The following RORB variants were observed in gnomAD, a reference collection of about 807,000 sequenced individuals.
The protein encoded by RORB is RAR related orphan receptor B, also known as nuclear receptor ROR-beta.
A neutral mutation model predicts 59.1 loss-of-function variants in RORB; 6 were observed. The ratio of observed to expected loss-of-function variants is 0.10; its 90% CI spans 0.06 to 0.20. The LOEUF is 0.20. RORB is among the 10% of genes least tolerant of loss of function. RORB has a pLI of 1.00. For synonymous variants in RORB, 215 were observed against 204.5 expected, an observed-to-expected ratio of 1.05 and a Z score of -0.44; for missense variants, 320 against 560.5, an observed-to-expected ratio of 0.57 and a Z score of 4.33.
At chr9:74,666,329 C>T (rs961169537) in intron 7 of RORB, among the ~76,000 whole-genome samples, 3 of 151,902 alleles carry the variant, frequency 2.0e-5, no homozygotes, top group African/African-American at 7.3e-5. Flanking sequence ...GGCATGGTGA[C>T]ACACACCTGT....
chr9:74,530,546 C>G (rs1270426899), intron 1 of RORB, among the ~76,000 whole-genome samples: 1 of 151,970 alleles, frequency 6.6e-6, no homozygotes, highest in Non-Finnish European at 1.5e-5. Flanking sequence ...CCAAAAGGAA[C>G]TGATCTGCAA....
chr9:74,538,164 A>G (rs552988533), intron 1 of RORB, among the ~76,000 whole-genome samples: 11 of 152,104 alleles, frequency 7.2e-5, no homozygotes, highest in Non-Finnish European at 1.6e-4. Flanking sequence ...CCTAGGAGCA[A>G]TAGTTAAACC....
In RORB at chr9:74,669,187, G is replaced by A. The variant is rs962616444; in HGVS notation, c.1111+1286G>A. On this transcript the variant is annotated intron_variant, in intron 8 of 9. Transcript: ENST00000376896. Reference sequence around the variant, plus strand: ...GTAGTGAGTAAAATATTTTTTTAAAGTATATACTAGGCCTGGCATGGTGGC... The same window carrying A: ...GTAGTGAGTAAAATATTTTTTTAAAATATATACTAGGCCTGGCATGGTGGC... Among the ~76,000 whole-genome samples, 4 of 152,270 alleles carry A rather than the reference G, an allele frequency of 2.6e-5. No homozygotes were observed. The East Asian group carries it at 7.7e-4, about 29-fold the overall frequency.
At chr9:74,500,365 A>G (rs558894977) in intron 1 of RORB, among the ~76,000 whole-genome samples, 1 of 152,280 alleles carries the variant, frequency 6.6e-6, no homozygotes, top group East Asian at 1.9e-4. Context: ...GGATTGAGAA[A>G]AGATCCAGGC....
chr9:74,580,236 T>C (rs555972524), intron 1 of RORB, among the ~76,000 whole-genome samples: 1 of 151,836 alleles, frequency 6.6e-6, no homozygotes, highest in South Asian at 2.1e-4. Context: ...TCAACAAGAG[T>C]GTAAGTGGAG....
chr9:74,571,306 G>C (rs769070040), intron 1 of RORB, among the ~76,000 whole-genome samples: 11 of 151,358 alleles, frequency 7.3e-5, no homozygotes, highest in Non-Finnish European at 1.5e-4. Context: ...GAATATTGTG[G>C]TATGCAGACA....
chr9:74,679,883 A>G (rs1400145689), intron 9 of RORB, among the ~76,000 whole-genome samples: 2 of 152,120 alleles, frequency 1.3e-5, no homozygotes, highest in Non-Finnish European at 2.9e-5. Flanking sequence ...GGATCAGATC[A>G]TGAGGTCAAG....
At chr9:74,636,740 T>A (rs1365199756) in intron 3 of RORB, among the ~76,000 whole-genome samples, 6 of 151,536 alleles carry the variant, frequency 4.0e-5, no homozygotes. Flanking sequence ...GTGAAATTTA[T>A]CATGAGGAGA....
chr9:74,632,071 T>A (rs751211241), intron 2 of RORB, among the ~76,000 whole-genome samples: 3 of 152,170 alleles, frequency 2.0e-5, no homozygotes, highest in Non-Finnish European at 2.9e-5. Context: ...ATGGAGATGT[T>A]TGGCATTTGA....
At chr9:74,675,804 A>G (rs553180350) in intron 9 of RORB, among the ~76,000 whole-genome samples, 1 of 152,236 alleles carries the variant, frequency 6.6e-6, no homozygotes, top group South Asian at 2.1e-4. Flanking sequence ...TAGGAGGTTT[A>G]CTTCCTCAGT....
intron 1 of RORB, among the ~76,000 whole-genome samples, chr9:74,506,009 G>A (rs958877993): frequency 4.7e-5 from 7 of 149,800 alleles, no homozygotes; most frequent in Admixed American, 6.7e-5. Flanking sequence ...AAAAGAAAAC[G>A]TAAAAATACT....
At chr9:74,533,010 G>A (rs145170692) in intron 1 of RORB, among the ~76,000 whole-genome samples, 172 of 151,668 alleles carry the variant, frequency 1.1e-3, no homozygotes, top group African/African-American at 3.9e-3. Context: ...CTCCCATAAG[G>A]CAGCACATCT....
chr9:74,542,904 C>T (rs184519507), intron 1 of RORB, among the ~76,000 whole-genome samples: 12 of 152,218 alleles, frequency 7.9e-5, no homozygotes, highest in Non-Finnish European at 1.5e-4. Flanking sequence ...TGCCAGGCAA[C>T]GTACTTAAGC....
At chr9:74,530,880 T>C (rs182349844) in intron 1 of RORB, among the ~76,000 whole-genome samples, 81 of 151,614 alleles carry the variant, frequency 5.3e-4, no homozygotes, top group African/African-American at 1.5e-3. Context: ...CCCTACCCCC[T>C]ACCCCACGAC....
At chr9:74,613,321 T>C (rs995665196) in intron 1 of RORB, among the ~76,000 whole-genome samples, 4 of 152,196 alleles carry the variant, frequency 2.6e-5, no homozygotes, top group African/African-American at 9.6e-5. Context: ...ACCAGATGTG[T>C]TAACTCAAAG....
At chr9:74,528,847 G>A (rs539485831) in intron 1 of RORB, among the ~76,000 whole-genome samples, 1 of 152,044 alleles carries the variant, frequency 6.6e-6, no homozygotes, top group East Asian at 2.0e-4. Context: ...CCGTGAAGTG[G>A]ATATTGCTAT....
chr9:74,569,828 C>A (rs1337347115), intron 1 of RORB, among the ~76,000 whole-genome samples: 1 of 151,938 alleles, frequency 6.6e-6, no homozygotes, highest in Non-Finnish European at 1.5e-5. Flanking sequence ...ATAAATAAGG[C>A]CAAATATCTA....
intron 1 of RORB, chr9:74,498,282 T>G (rs1173257048): frequency 4.5e-6 from 2 of 443,690 alleles, no homozygotes; most frequent in African/African-American, 3.9e-5. Context: ...CTTGTCGCTC[T>G]CGGGTGCGGA....
Position 74,556,965 on chromosome 9 carries a change from C to T in RORB, c.7+58982C>T, listed in dbSNP as rs564340343. ...CATTTCTTGATAATTTTTTTTTCTG[C>T]TCTGACTATACTATCGTATGGTAGA... On this transcript the variant is annotated intron_variant, in intron 1 of 9. Coordinates refer to ENST00000376896, the MANE Select transcript of RORB (RefSeq NM_006914.4). 5.9e-5 allele frequency among the ~76,000 whole-genome samples: 9 copies of T among 152,168 alleles called. No individual in the cohort carries two copies. The East Asian group carries it at 1.7e-3, about 29-fold the overall frequency.
Sources: allele counts gnomAD v4.1 joint callset (sites outside exome capture counted in the v4.1 genomes callset), GRCh38; gene constraint gnomAD v4.1.1; transcripts MANE v1.5; gene names NCBI Gene and HGNC (gene_info 2026-07-23, HGNC 2026-07-21).